The following DCT variants were observed in gnomAD, a reference collection of about 807,000 sequenced individuals.
The protein encoded by DCT is dopachrome tautomerase.
In DCT, 47 loss-of-function variants were observed where a neutral mutation model predicts 53.0. The ratio of observed to expected loss-of-function variants is 0.89; its 90% confidence interval spans 0.70 to 1.13. The LOEUF is 1.13. DCT is among the 50% of genes most tolerant of loss of function. The pLI, the probability that DCT is intolerant of heterozygous loss-of-function variation, is 0.00. For missense variants in DCT, 669 were observed against 637.4 expected, an observed-to-expected ratio of 1.05 and a Z score of -0.53; for synonymous variants, 244 against 237.0, an observed-to-expected ratio of 1.03 and a Z score of -0.27.
chr13:94,541,921 C>T, the DCT span, among the ~76,000 whole-genome samples: 1 of 152,192 alleles, frequency 6.6e-6, no homozygotes, highest in Admixed American at 6.5e-5. Context: ...ACTCCAGAGG[C>T]AGGACCATGG....
chr13:94,540,435 G>T, the DCT span, among the ~76,000 whole-genome samples: 10 of 152,078 alleles, frequency 6.6e-5, no homozygotes, highest in Non-Finnish European at 1.5e-5. Flanking sequence ...AACTAAACAT[G>T]TAAGGAACTC....
intron 6 of DCT, chr13:94,444,338 T>C (rs768126522): frequency 2.0e-6 from 1 of 507,516 alleles, no homozygotes; most frequent in Non-Finnish European, 3.9e-6. Flanking sequence ...TATTATAATA[T>C]AAAGGAACAG....
chr13:94,452,701 A>G, intron 6 of DCT: 1 of 701,796 alleles, frequency 1.4e-6, no homozygotes, highest in Non-Finnish European at 2.6e-6. Flanking sequence ...AAAATCTTAA[A>G]TTTAAAATTA....
intron 5 of DCT, 21 bp from the exon 6 acceptor site, chr13:94,460,247 A>T (rs1883695697): frequency 6.2e-7 from 1 of 1,609,590 alleles, no homozygotes; most frequent in Non-Finnish European, 8.5e-7. Flanking sequence ...CAAGTATATC[A>T]GTGACAACAG....
chr13:94,547,635 TC>T, the DCT span, among the ~76,000 whole-genome samples: 5 of 151,818 alleles, frequency 3.3e-5, no homozygotes, highest in African/African-American at 1.2e-4. Flanking sequence ...AGAACCTGCA[TC>T]CTTTCCCTAC....
intron 6 of DCT, 55 bp downstream of exon 6, chr13:94,460,036 T>A (rs1883675208): frequency 6.5e-7 from 1 of 1,543,474 alleles, no homozygotes; most frequent in African/African-American, 1.4e-5. Context: ...TATGAAAAAA[T>A]AAATCTGACA....
At chr13:94,544,024 G>A in the DCT span, among the ~76,000 whole-genome samples, 1 of 130,394 alleles carries the variant, frequency 7.7e-6, no homozygotes, top group Admixed American at 8.4e-5. Flanking sequence ...GACAGAGCAA[G>A]ACTCTGTCTC....
At chr13:94,532,352 C>T in the DCT span, among the ~76,000 whole-genome samples, 2 of 152,124 alleles carry the variant, frequency 1.3e-5, no homozygotes, top group East Asian at 1.9e-4. Flanking sequence ...TTTATTGTGG[C>T]ACTATTCACA....
chr13:94,488,723 TACACACACAC>T, the DCT span, among the ~76,000 whole-genome samples: 2,563 of 139,178 alleles, frequency 0.018, 60 homozygotes, highest in African/African-American at 0.053. Flanking sequence ...GTCTAATATA[TACACACACAC>T]ACACACACAC....
the DCT span, among the ~76,000 whole-genome samples, chr13:94,494,138 C>T: frequency 6.6e-6 from 1 of 152,210 alleles, no homozygotes; most frequent in African/African-American, 2.4e-5. Flanking sequence ...TAAGCCCACT[C>T]ATGGCTCCCC....
At chr13:94,472,558 ATATATATATATTTTTTTTT>A (rs1884790855) in intron 1 of DCT, among the ~76,000 whole-genome samples, 1 of 24,388 alleles carries the variant, frequency 4.1e-5, no homozygotes, top group African/African-American at 2.6e-4. Flanking sequence ...ATATATATAT[ATATATATATATTTTTTTTT>A]TTTTTTTTTT....
chr13:94,485,055 G>A, the DCT span, among the ~76,000 whole-genome samples: 2 of 140,424 alleles, frequency 1.4e-5, no homozygotes, highest in Non-Finnish European at 1.5e-5. Flanking sequence ...GAAAATGACC[G>A]AATGTCAAGG....
intron 2 of DCT, chr13:94,467,105 C>T (rs1348533560): frequency 6.5e-6 from 1 of 153,154 alleles, no homozygotes; most frequent in Non-Finnish European, 1.5e-5. Context: ...ATTGTAACTT[C>T]AACTGCACTT....
chr13:94,438,560 C>T lies in DCT; in HGVS notation c.*1338G>A. Reference sequence around the variant, plus strand: ...ATTCATTCATTCCAGTAGAGAGGGGCCTCGACAGACAAGCCACGCCCTAGA... The same window carrying T: ...ATTCATTCATTCCAGTAGAGAGGGGTCTCGACAGACAAGCCACGCCCTAGA... On this transcript the variant is annotated 3_prime_UTR_variant, in exon 8 of 8. Transcript: ENST00000377028. The T allele has an allele frequency of 2.2e-6, 1 of 455,538 alleles. No individual in the cohort carries two copies. The highest frequency in any genetic ancestry group is 1.6e-5 in the South Asian group (1 of 64,462). The allele number at this position is 455,538 out of a possible 1,614,324, so 28.2% of individuals were successfully genotyped here. A position where few individuals can be genotyped will look rare whatever the true frequency, so the allele number is the denominator to read the frequency against.
At chr13:94,519,006 T>G in the DCT span, among the ~76,000 whole-genome samples, 1 of 152,168 alleles carries the variant, frequency 6.6e-6, no homozygotes, top group Non-Finnish European at 1.5e-5. Flanking sequence ...AATGGATTGT[T>G]CTTTCTTCCT....
the DCT span, among the ~76,000 whole-genome samples, chr13:94,504,926 T>A: frequency 6.6e-6 from 1 of 152,064 alleles, no homozygotes; most frequent in African/African-American, 2.4e-5. Flanking sequence ...CTCATTGGAC[T>A]GTGTGTGTTC....
the DCT span, among the ~76,000 whole-genome samples, chr13:94,516,313 G>C: frequency 2.0e-5 from 3 of 152,090 alleles, no homozygotes; most frequent in South Asian, 4.1e-4. Flanking sequence ...TACAAATCAG[G>C]TAGGCTATTT....
At chr13:94,508,797 A>G in the DCT span, among the ~76,000 whole-genome samples, 1 of 152,228 alleles carries the variant, frequency 6.6e-6, no homozygotes, top group Admixed American at 6.5e-5. Flanking sequence ...GTCCAATTAC[A>G]GGAGATGCTG....
Position 94,466,590 on chromosome 13 carries a change from A to G in DCT, c.664T>C (p.Tyr222His). Residue 222 changes from tyrosine to histidine, a missense_variant, in exon 3 of 8, where the codon TAC becomes CAC. Transcript: ENST00000377028. Reference protein sequence around the residue: ...QGPAFVTWHRYHLLCLERDLQ... With the variant: ...QGPAFVTWHRHHLLCLERDLQ... ...TCTCTTTCCAGACACAACAAATGGT[A>G]CCGGTGCCAGGTAACAAATGCAGGT... is the stretch of plus-strand genomic sequence containing the variant. 1 of 1,611,872 alleles carries G rather than the reference A, an allele frequency of 6.2e-7. No individual in the cohort carries two copies. Among genetic ancestry groups the G allele is most frequent in the South Asian group, 1.1e-5 (1 of 90,750 alleles).
Sources: allele counts gnomAD v4.1 joint callset (sites outside exome capture counted in the v4.1 genomes callset), GRCh38; gene constraint gnomAD v4.1.1; transcripts MANE v1.5; gene names NCBI Gene and HGNC (gene_info 2026-07-23, HGNC 2026-07-21).